Variants in OLFM2 observed in about 807,000 individuals in gnomAD.
The protein encoded by OLFM2 is noelin-2.
Under a neutral mutation model 43.9 loss-of-function variants are expected in OLFM2, and 20 were observed. The ratio of observed to expected loss-of-function variants is 0.46; its 90% CI spans 0.32 to 0.66. The LOEUF (loss-of-function observed/expected upper bound fraction) is 0.66, where lower values mean the gene tolerates loss of function less well. Among genes scored for constraint, OLFM2 ranks in the 30% least tolerant of loss-of-function variants. The probability of loss-of-function intolerance (pLI) is 0.04; values close to 1 mark genes in which losing one functional copy is unlikely to be tolerated. For synonymous variants in OLFM2, 268 were observed against 278.6 expected, an observed-to-expected ratio of 0.96 and a Z score of 0.38; for missense variants, 416 against 643.6, an observed-to-expected ratio of 0.65 and a Z score of 3.83.
At position 9,858,059 on chromosome 19, in the gene OLFM2, A is replaced by G. The variant is rs2046337087; in HGVS notation, c.214-198T>C. 4 of 659,970 alleles carry G rather than the reference A, an allele frequency of 6.1e-6. No individual in the cohort carries two copies. The South Asian group carries it at 6.8e-5, about 11-fold the overall frequency. 40.9% of individuals were successfully genotyped at this position (659,970 alleles called of 1,614,324 possible). A position where few individuals can be genotyped will look rare whatever the true frequency, so the allele number is the denominator to read the frequency against. On this transcript the variant is annotated intron_variant, in intron 2 of 5. Coordinates refer to ENST00000264833, the MANE Select transcript of OLFM2 (RefSeq NM_058164.4). ...ATCCATCGCTCCCTCCCTACTACCC[A>G]CTGGCTCCCATCTGGTCCACCTACC...
intron 1 of OLFM2, among the ~76,000 whole-genome samples, chr19:9,923,282 C>T (rs1054748599): frequency 7.9e-5 from 12 of 151,716 alleles, no homozygotes; most frequent in Admixed American, 2.0e-4. Context: ...TAGCTGGGCA[C>T]GGTGGCTCAT....
intron 1 of OLFM2, among the ~76,000 whole-genome samples, chr19:9,915,717 ACCGTGTT>A (rs2144997456): frequency 6.6e-6 from 1 of 151,550 alleles, no homozygotes; most frequent in Non-Finnish European, 1.5e-5. Context: ...ACGGGGTTTC[ACCGTGTT>A]AGCCAGGATG....
chr19:9,901,707 G>C (rs1265131449), intron 1 of OLFM2, among the ~76,000 whole-genome samples: 2 of 152,276 alleles, frequency 1.3e-5, no homozygotes, highest in East Asian at 3.9e-4. Context: ...GCAGCATGTA[G>C]GCATTGGAGT....
intron 1 of OLFM2, among the ~76,000 whole-genome samples, chr19:9,908,278 C>T (rs2046799633): frequency 6.6e-6 from 1 of 151,924 alleles, no homozygotes; most frequent in Non-Finnish European, 1.5e-5. Context: ...GTGTGCACCA[C>T]CATGCCCAGC....
At chr19:9,915,231 TTC>T (rs779057173) in intron 1 of OLFM2, among the ~76,000 whole-genome samples, 11 of 128,734 alleles carry the variant, frequency 8.5e-5, no homozygotes, top group South Asian at 5.0e-4. Context: ...TCTTTTTCTT[TTC>T]TCTCTCTTTT....
At chr19:9,913,019 G>C (rs1312235687) in intron 1 of OLFM2, among the ~76,000 whole-genome samples, 3 of 151,550 alleles carry the variant, frequency 2.0e-5, no homozygotes, top group Non-Finnish European at 2.9e-5. Flanking sequence ...CAACCAGGCA[G>C]AGACCTTGAA....
intron 1 of OLFM2, among the ~76,000 whole-genome samples, chr19:9,864,097 T>C (rs2046383303): frequency 6.6e-6 from 1 of 152,166 alleles, no homozygotes. Context: ...TGCCCTTGCA[T>C]GGGGCCAGCA....
At chr19:9,872,571 G>A (rs1276842474) in intron 1 of OLFM2, among the ~76,000 whole-genome samples, 5 of 152,034 alleles carry the variant, frequency 3.3e-5, no homozygotes, top group East Asian at 1.9e-4. Flanking sequence ...CCTGGGAACC[G>A]CCTGGGGCCT....
At chr19:9,916,616 C>T (rs1393453210) in intron 1 of OLFM2, among the ~76,000 whole-genome samples, 1 of 152,156 alleles carries the variant, frequency 6.6e-6, no homozygotes, top group Admixed American at 6.6e-5. Context: ...GGCTCCAGGC[C>T]TCCTGGCTTA....
intron 1 of OLFM2, among the ~76,000 whole-genome samples, chr19:9,875,107 C>T (rs949718494): frequency 1.3e-5 from 2 of 152,316 alleles, no homozygotes; most frequent in East Asian, 1.9e-4. Context: ...GAAGAGTTCA[C>T]GGCGAAATAA....
chr19:9,882,137 G>C (rs1447392652), intron 1 of OLFM2, among the ~76,000 whole-genome samples: 2 of 152,076 alleles, frequency 1.3e-5, no homozygotes, highest in Non-Finnish European at 1.5e-5. Flanking sequence ...TACTCGGGAG[G>C]CTGAGGAGGG....
chr19:9,903,773 C>T (rs1357452350), intron 1 of OLFM2, among the ~76,000 whole-genome samples: 1 of 152,172 alleles, frequency 6.6e-6, no homozygotes, highest in Non-Finnish European at 1.5e-5. Flanking sequence ...CAAGAATAAA[C>T]AAATTTCCTT....
At chr19:9,875,762 C>T (rs556803646) in intron 1 of OLFM2, among the ~76,000 whole-genome samples, 3 of 152,180 alleles carry the variant, frequency 2.0e-5, no homozygotes, top group Non-Finnish European at 2.9e-5. Context: ...CCACCTCGGC[C>T]TCCCCAAGGT....
At chr19:9,915,892 G>GC (rs2046872956) in intron 1 of OLFM2, among the ~76,000 whole-genome samples, 1 of 152,218 alleles carries the variant, frequency 6.6e-6, no homozygotes, top group Non-Finnish European at 1.5e-5. Context: ...AGAGTTCCAC[G>GC]CAACAGGAAC....
intron 1 of OLFM2, among the ~76,000 whole-genome samples, chr19:9,866,790 G>A (rs983123877): frequency 2.0e-5 from 3 of 151,940 alleles, no homozygotes; most frequent in Non-Finnish European, 2.9e-5. Flanking sequence ...CTATCACGAC[G>A]GCCCTGCCAA....
At chr19:9,930,604 G>A (rs1294916717) in intron 1 of OLFM2, among the ~76,000 whole-genome samples, 1 of 151,932 alleles carries the variant, frequency 6.6e-6, no homozygotes, top group Non-Finnish European at 1.5e-5. Flanking sequence ...CAGCACTTTG[G>A]GAGGCCAAGG....
At position 9,910,191 on chromosome 19, in the gene OLFM2, G is replaced by C. The variant is rs146355079; in HGVS notation, c.63+26113C>G. Reference sequence around the variant, plus strand: ...CACTCCAGCCTGGGTGACAGAGTGAGACTCTTTCTCTAAAAATAATAATAT... The same window carrying C: ...CACTCCAGCCTGGGTGACAGAGTGACACTCTTTCTCTAAAAATAATAATAT... On this transcript the variant is annotated intron_variant, in intron 1 of 5. Transcript: ENST00000264833. Among the ~76,000 whole-genome samples the C allele has an allele frequency of 6.0e-4, 91 of 152,160 alleles. 1 individual carries two copies. The highest frequency in any genetic ancestry group is 2.1e-3 in the African/African-American group (89 of 41,498).
Position 9,854,952 on chromosome 19 carries a change from T to C in OLFM2, c.688-89A>G. ...AGCTACAGCCATTAGAGTTCAACAG[T>C]CACTAAGTGGTCATTAGTCATGGGA... On this transcript the variant is annotated intron_variant, in intron 5 of 5. Transcript: ENST00000264833. The surrounding 1 kb of genome is among the most constrained non-coding windows in gnomAD (Gnocchi z 9.5). 2.0e-6 allele frequency: 2 copies of C among 1,011,124 alleles called. No individual in the cohort carries two copies. Among genetic ancestry groups the C allele is most frequent in the Admixed American group, 2.8e-5 (1 of 35,564 alleles). The allele number at this position is 1,011,124 out of a possible 1,614,324, so 62.6% of individuals were successfully genotyped here. A position where few individuals can be genotyped will look rare whatever the true frequency, so the allele number is the denominator to read the frequency against.
intron 1 of OLFM2, among the ~76,000 whole-genome samples, chr19:9,912,718 A>G (rs2046837085): frequency 6.6e-6 from 1 of 151,986 alleles, no homozygotes; most frequent in Admixed American, 6.6e-5. Context: ...TGGGATGGGA[A>G]GGCGCCATCC....
Sources: allele counts gnomAD v4.1 joint callset (sites outside exome capture counted in the v4.1 genomes callset), GRCh38; gene constraint gnomAD v4.1.1; non-coding constraint Gnocchi (gnomAD v3.1); transcripts MANE v1.5; gene names NCBI Gene and HGNC (gene_info 2026-07-23, HGNC 2026-07-21).